Variants in RALY observed in about 807,000 individuals in gnomAD.
RALY encodes RALY heterogeneous nuclear ribonucleoprotein, also known as RNA-binding protein Raly.
A neutral mutation model predicts 30.7 loss-of-function variants in RALY; 15 were observed. The ratio of observed to expected loss-of-function variants is 0.49; its 90% CI spans 0.33 to 0.75. The LOEUF is 0.75. RALY is among the 30% of genes least tolerant of loss of function. RALY has a pLI of 0.02. For missense variants in RALY, 339 were observed against 414.3 expected (o/e 0.82, Z 1.58); for synonymous variants, 177 against 170.8 (o/e 1.04, Z -0.28).
chr20:34,050,429 G>A (rs1051629394), intron 2 of RALY, among the ~76,000 whole-genome samples: 1 of 152,216 alleles, frequency 6.6e-6, no homozygotes, highest in Non-Finnish European at 1.5e-5. Context: ...CTGTCCCCAG[G>A]CAGGACCTTG....
At chr20:34,038,937 G>T (rs939248140) in intron 2 of RALY, among the ~76,000 whole-genome samples, 1 of 152,236 alleles carries the variant, frequency 6.6e-6, no homozygotes, top group Admixed American at 6.5e-5. Flanking sequence ...AGAGTGTGGC[G>T]ATCCAGGCTC....
At chr20:34,039,949 A>G (rs1387581253) in intron 2 of RALY, among the ~76,000 whole-genome samples, 1 of 152,144 alleles carries the variant, frequency 6.6e-6, no homozygotes, top group Non-Finnish European at 1.5e-5. Context: ...CGTCTCTACT[A>G]AAAATACAAA....
At chr20:34,055,560 C>T (rs922342526) in intron 2 of RALY, among the ~76,000 whole-genome samples, 9 of 152,084 alleles carry the variant, frequency 5.9e-5, no homozygotes, top group African/African-American at 2.2e-4. Flanking sequence ...GTGGGGATGC[C>T]AAGATGAAAT....
chr20:34,059,321 T>C (rs762175517), intron 2 of RALY, among the ~76,000 whole-genome samples: 9 of 152,218 alleles, frequency 5.9e-5, no homozygotes, highest in Non-Finnish European at 1.2e-4. Context: ...AGGGACACAG[T>C]ACTTGGCTGG....
At chr20:34,053,376 T>G (rs1006554776) in intron 2 of RALY, among the ~76,000 whole-genome samples, 1 of 144,864 alleles carries the variant, frequency 6.9e-6, no homozygotes, top group Non-Finnish European at 1.5e-5. Flanking sequence ...TTAGTAGATG[T>G]TCAATAATTT....
chr20:34,025,811 T>G (rs902617701), intron 1 of RALY, among the ~76,000 whole-genome samples: 10 of 151,798 alleles, frequency 6.6e-5, no homozygotes, highest in South Asian at 2.1e-4. Flanking sequence ...CCCCACCCTT[T>G]GATGTCCACA....
intron 1 of RALY, chr20:34,016,489 G>A (rs1282517749): frequency 6.6e-6 from 1 of 152,248 alleles, no homozygotes; most frequent in Non-Finnish European, 1.5e-5. Context: ...TACTGCATGT[G>A]TTCCAAATCA....
Position 34,016,156 on chromosome 20 carries a change from C to G in RALY, c.-92-15366C>G, listed in dbSNP as rs186546646. 2.3e-3 allele frequency among the ~76,000 whole-genome samples: 345 copies of G among 152,328 alleles called. 3 individuals carry two copies. Among genetic ancestry groups the G allele is most frequent in the African/African-American group, 7.9e-3 (330 of 41,558 alleles). ...CACACACCGAGTACCACAGCATCCT[C>G]CACATTTCTTTATACCCAGGTGCTG... On this transcript the variant is annotated intron_variant, in intron 1 of 9. Transcript: ENST00000246194.
chr20:33,998,603 C>G (rs2030753794), intron 1 of RALY, among the ~76,000 whole-genome samples: 1 of 151,970 alleles, frequency 6.6e-6, no homozygotes, highest in East Asian at 1.9e-4. Flanking sequence ...AGAGCAGAGG[C>G]CAAGTCAGGA....
chr20:34,058,782 A>G (rs2033332186), intron 2 of RALY, among the ~76,000 whole-genome samples: 2 of 152,260 alleles, frequency 1.3e-5, no homozygotes, highest in South Asian at 2.1e-4. Context: ...AGTGAATGAC[A>G]TATAACCACT....
At position 34,084,030 on chromosome 20, in the gene RALY, G is replaced by A. The variant is rs1157728822; in HGVS notation, c.*4125G>A. On this transcript the variant is annotated 3_prime_UTR_variant, in exon 10 of 10. Coordinates refer to ENST00000246194, the MANE Select transcript of RALY (RefSeq NM_016732.3). ...ATCTCCACAACCACCCTCAGTAGGT[G>A]TAGTAAGGACTTCTGGTTACAAGTT... 2.6e-5 allele frequency: 4 copies of A among 152,244 alleles called. No individual in the cohort carries two copies. The highest frequency in any genetic ancestry group is 5.9e-5 in the Non-Finnish European group (4 of 68,054). 9.4% of individuals were successfully genotyped at this position (152,244 alleles called of 1,614,324 possible).
At chr20:34,063,566 C>T (rs2033478971) in intron 2 of RALY, among the ~76,000 whole-genome samples, 1 of 152,120 alleles carries the variant, frequency 6.6e-6, no homozygotes, top group African/African-American at 2.4e-5. Flanking sequence ...CAACTCAGTG[C>T]CTGGTATAAA....
At chr20:34,040,466 G>A (rs2032659278) in intron 2 of RALY, among the ~76,000 whole-genome samples, 1 of 152,142 alleles carries the variant, frequency 6.6e-6, no homozygotes, top group Non-Finnish European at 1.5e-5. Context: ...GGCTGGTACA[G>A]GATCCAGATG....
Position 34,010,750 on chromosome 20 carries a change from T to C in RALY, c.-93+16619T>C, listed in dbSNP as rs181420953. Among the ~76,000 whole-genome samples, 7 of 152,338 alleles carry C rather than the reference T, an allele frequency of 4.6e-5. No homozygotes were observed. The East Asian group carries it at 1.2e-3, about 25-fold the overall frequency. ...TGTGATGCTAAGTAGAATTTTTAGCTGAAAGGACCTTTCAGCAGCAACTGC... is the reference window on the plus strand; with the variant it reads ...TGTGATGCTAAGTAGAATTTTTAGCCGAAAGGACCTTTCAGCAGCAACTGC... On this transcript the variant is annotated intron_variant, in intron 1 of 9. Transcript: ENST00000246194.
At chr20:34,074,940 C>T (rs2033832210) in intron 5 of RALY, among the ~76,000 whole-genome samples, 1 of 152,142 alleles carries the variant, frequency 6.6e-6, no homozygotes, top group Non-Finnish European at 1.5e-5. Context: ...GTTTCCTGGC[C>T]GTTGTCAGGA....
chr20:34,048,853 C>A (rs369492722), intron 2 of RALY, among the ~76,000 whole-genome samples: 403 of 105,486 alleles, frequency 3.8e-3, no homozygotes, highest in South Asian at 9.3e-3. Flanking sequence ...GACTCCGTCT[C>A]AAAAAAAAAA....
In RALY at chr20:34,081,551, T is replaced by C. The variant is rs1327805143; in HGVS notation, c.*1646T>C. On this transcript the variant is annotated 3_prime_UTR_variant, in exon 10 of 10. Coordinates refer to ENST00000246194, the MANE Select transcript of RALY (RefSeq NM_016732.3). ...GTTTGCAGATCTGCTGGAATCCTTA[T>C]TGAAAACTCCCCATTTCAAACCAAC... The C allele has an allele frequency of 2.6e-5, 4 of 152,368 alleles. No individual in the cohort carries two copies. The highest frequency in any genetic ancestry group is 1.9e-4 in the East Asian group (1 of 5,196). 9.4% of individuals were successfully genotyped at this position (152,368 alleles called of 1,614,324 possible). A position where few individuals can be genotyped will look rare whatever the true frequency, so the allele number is the denominator to read the frequency against.
At chr20:34,008,632 A>C (rs765043723) in intron 1 of RALY, among the ~76,000 whole-genome samples, 3 of 152,104 alleles carry the variant, frequency 2.0e-5, no homozygotes, top group Non-Finnish European at 4.4e-5. Context: ...GCCTGTGTAC[A>C]TATTTTGTTT....
chr20:34,019,788 G>A (rs370451249), intron 1 of RALY, among the ~76,000 whole-genome samples: 7 of 152,296 alleles, frequency 4.6e-5, no homozygotes, highest in South Asian at 2.1e-4. Flanking sequence ...TTGGCCGGGC[G>A]CGGTGGCTCA....
Sources: allele counts gnomAD v4.1 joint callset (sites outside exome capture counted in the v4.1 genomes callset), GRCh38; gene constraint gnomAD v4.1.1; transcripts MANE v1.5; gene names NCBI Gene and HGNC (gene_info 2026-07-23, HGNC 2026-07-21).